MEF2D: variants seen among roughly 807,000 people sequenced by gnomAD.
MEF2D encodes the protein myocyte-specific enhancer factor 2D.
Under a neutral mutation model 59.3 loss-of-function variants are expected in MEF2D, and 10 were observed. The ratio of observed to expected loss-of-function variants is 0.17; its 90% CI spans 0.10 to 0.29. The LOEUF (loss-of-function observed/expected upper bound fraction) is 0.29, where lower values mean the gene tolerates loss of function less well. Among genes scored for constraint, MEF2D ranks in the 10% least tolerant of loss-of-function variants. The pLI is 1.00. For missense variants in MEF2D, 508 were observed against 699.4 expected, an observed-to-expected ratio of 0.73 and a Z score of 3.09; for synonymous variants, 305 against 295.0, an observed-to-expected ratio of 1.03 and a Z score of -0.35.
At chr1:156,476,123 A>G (rs1343423083) in intron 8 of MEF2D, among the ~76,000 whole-genome samples, 1 of 152,182 alleles carries the variant, frequency 6.6e-6, no homozygotes, top group Non-Finnish European at 1.5e-5. Context: ...GAGTCAGAGG[A>G]CTAGTGGGAT....
intron 1 of MEF2D, among the ~76,000 whole-genome samples, chr1:156,485,952 C>A (rs560893349): frequency 6.6e-6 from 1 of 151,144 alleles, no homozygotes; most frequent in Non-Finnish European, 1.5e-5. Context: ...CGGGTTCAAG[C>A]GATTCTCCTG....
intron 7 of MEF2D, 186 bp downstream of exon 7, chr1:156,476,826 T>G: frequency 1.4e-6 from 1 of 705,304 alleles, no homozygotes; most frequent in Non-Finnish European, 2.3e-6. Flanking sequence ...TGGTACTTCT[T>G]GTGCTGCAAC....
Position 156,493,221 on chromosome 1 carries a change from A to G in MEF2D, c.-139+7265T>C, listed in dbSNP as rs1672918589. ...GGCCTGGGCCCTCAGACTGGACAGC[A>G]CCAATTATGAGGAAAGGGGAGGTGG... is the stretch of plus-strand genomic sequence containing the variant. On this transcript the variant is annotated intron_variant, in intron 1 of 11. Transcript: ENST00000348159. Among the ~76,000 whole-genome samples the G allele has an allele frequency of 1.3e-5, 2 of 152,130 alleles. 1 individual carries two copies. The highest frequency in any genetic ancestry group is 4.1e-4 in the South Asian group (2 of 4,828).
At chr1:156,489,845 G>A (rs903785363) in intron 1 of MEF2D, among the ~76,000 whole-genome samples, 3 of 152,162 alleles carry the variant, frequency 2.0e-5, no homozygotes, top group Non-Finnish European at 4.4e-5. Context: ...GAGGACCAAG[G>A]ACGACAGCTG....
At chr1:156,496,053 G>C (rs903620783) in intron 1 of MEF2D, among the ~76,000 whole-genome samples, 4 of 152,228 alleles carry the variant, frequency 2.6e-5, no homozygotes, top group African/African-American at 7.2e-5. Flanking sequence ...GTCCTGTGCA[G>C]AATCAATGAA....
At chr1:156,496,383 G>A (rs938149841) in intron 1 of MEF2D, among the ~76,000 whole-genome samples, 4 of 152,118 alleles carry the variant, frequency 2.6e-5, no homozygotes, top group African/African-American at 7.2e-5. Context: ...GGAGGGACCC[G>A]GGGACACACG....
At chr1:156,479,431 C>G (rs1241665619) in intron 5 of MEF2D, 85 bp from the exon 6 acceptor site, 9 of 1,521,868 alleles carry the variant, frequency 5.9e-6, no homozygotes, top group Non-Finnish European at 8.0e-6. Context: ...AGAGGGGACC[C>G]CAGGAGGAAG....
At position 156,468,347 on chromosome 1, in the gene MEF2D, G is replaced by T; in HGVS notation, c.1248-48C>A. ...GGGTACAAGGGATAAAAACAGAGGG[G>T]GTGAGTGACAGAACAAGTGATAGGA... On this transcript the variant is annotated intron_variant, in intron 10 of 11. Coordinates refer to ENST00000348159, the MANE Select transcript of MEF2D (RefSeq NM_005920.4). This position sits in a 1 kb window ranked among gnomAD's most constrained non-coding sequence, Gnocchi z 4.3. 7.3e-7 allele frequency: 1 copy of T among 1,367,872 alleles called. No homozygotes were observed. Among genetic ancestry groups the T allele is most frequent in the Non-Finnish European group, 1.0e-6 (1 of 1,001,062 alleles). 84.7% of individuals were successfully genotyped at this position (1,367,872 alleles called of 1,614,324 possible).
rs774565644 is a variant in MEF2D at position 156,475,163 on chromosome 1, C to T, written c.951G>A (p.Pro317=). Residue 317 remains proline, a synonymous_variant, in exon 9 of 12, where the codon CCG becomes CCA. Transcript: ENST00000348159. The part of the protein sequence containing the change: ...LTTPVVSVAT[P]SLLSQGLPFS... ...AGGGGAGGCCCTGGCTGAGTAAACT[C>T]GGCGTTGCCACAGAAACCACTGGGG... The T allele has an allele frequency of 9.3e-6, 15 of 1,614,088 alleles. No homozygotes were observed. Among genetic ancestry groups the T allele is most frequent in the African/African-American group, 2.7e-5 (2 of 74,938 alleles).
intron 6 of MEF2D, among the ~76,000 whole-genome samples, chr1:156,478,582 G>C (rs1671775801): frequency 6.6e-6 from 1 of 152,150 alleles, no homozygotes; most frequent in Admixed American, 6.5e-5. Context: ...CCGGGCTGGA[G>C]TGCAATGGCA....
rs1032052304 is a variant in MEF2D, at chr1:156,467,235, T to C, written c.*410A>G. The C allele has an allele frequency of 6.7e-6, 1 of 148,808 alleles. No individual in the cohort carries two copies. The highest frequency in any genetic ancestry group is 6.6e-5 in the Admixed American group (1 of 15,066). 9.2% of individuals were successfully genotyped at this position (148,808 alleles called of 1,614,324 possible). A position where few individuals can be genotyped will look rare whatever the true frequency, so the allele number is the denominator to read the frequency against. ...TGTTGTTTGGTAGTTTTTTGGTTAT[T>C]TCCCTCTATCTGGGGGTGGGGTGGG... On this transcript the variant is annotated 3_prime_UTR_variant, in exon 12 of 12. Coordinates refer to ENST00000348159, the MANE Select transcript of MEF2D (RefSeq NM_005920.4).
Position 156,467,612 on chromosome 1 carries a change from T to C in MEF2D, c.*33A>G. Reference sequence around the variant, plus strand: ...GGGCGGTGAGATTGTCAACTCTTCATCAGGGAGGCTGAGAGGAGGGGAGTG... The same window carrying C: ...GGGCGGTGAGATTGTCAACTCTTCACCAGGGAGGCTGAGAGGAGGGGAGTG... On this transcript the variant is annotated 3_prime_UTR_variant, in exon 12 of 12. Transcript: ENST00000348159. 7.6e-7 allele frequency: 1 copy of C among 1,317,570 alleles called. No individual in the cohort carries two copies. Among genetic ancestry groups the C allele is most frequent in the Non-Finnish European group, 9.8e-7 (1 of 1,024,126 alleles). 81.6% of individuals were successfully genotyped at this position (1,317,570 alleles called of 1,614,324 possible). A position where few individuals can be genotyped will look rare whatever the true frequency, so the allele number is the denominator to read the frequency against.
chr1:156,486,062 T>C (rs1191693551), intron 1 of MEF2D, among the ~76,000 whole-genome samples: 1 of 152,018 alleles, frequency 6.6e-6, no homozygotes. Flanking sequence ...GTTGGACAGG[T>C]TGGTCTCGAA....
chr1:156,495,069 C>T lies in MEF2D; in HGVS notation c.-139+5417G>A, dbSNP rs867420754. On this transcript the variant is annotated intron_variant, in intron 1 of 11. Transcript: ENST00000348159. ...CTCACAGGGACAGCAGGAGGGGTCT[C>T]GGAGTGTCATTTGTTCCTGCCCTCA... is the stretch of plus-strand genomic sequence containing the variant. 3.9e-5 allele frequency among the ~76,000 whole-genome samples: 6 copies of T among 152,180 alleles called. 1 individual carries two copies. Among genetic ancestry groups the T allele is most frequent in the Admixed American group, 1.3e-4 (2 of 15,284 alleles).
chr1:156,472,317 C>T (rs568110703), intron 9 of MEF2D, among the ~76,000 whole-genome samples: 247 of 152,310 alleles, frequency 1.6e-3, no homozygotes, highest in Non-Finnish European at 2.8e-3. Context: ...GGGCCCACAG[C>T]GTGTGTCTTC....
intron 1 of MEF2D, among the ~76,000 whole-genome samples, chr1:156,483,661 G>A (rs1013626515): frequency 6.6e-6 from 1 of 152,238 alleles, no homozygotes; most frequent in Non-Finnish European, 1.5e-5. Context: ...GCTGTCCTCA[G>A]GCTCCAGGAC....
At chr1:156,476,323 C>T (rs1323960854) in intron 8 of MEF2D, among the ~76,000 whole-genome samples, 171 bp downstream of exon 8, 1 of 152,234 alleles carries the variant, frequency 6.6e-6, no homozygotes, top group East Asian at 1.9e-4. Flanking sequence ...ACCCCATTCA[C>T]CTTTGAATCC....
In MEF2D at chr1:156,467,579, G is replaced by A. The variant is rs1670931085; in HGVS notation, c.*66C>T. The A allele has an allele frequency of 3.1e-6, 4 of 1,286,680 alleles. No individual in the cohort carries two copies. Among genetic ancestry groups the A allele is most frequent in the African/African-American group, 1.5e-5 (1 of 65,848 alleles). The allele number at this position is 1,286,680 out of a possible 1,614,324, so 79.7% of individuals were successfully genotyped here. On this transcript the variant is annotated 3_prime_UTR_variant, in exon 12 of 12. Transcript: ENST00000348159. ...GTCGAGCGGGAGGAGCCCGGGGCAG[G>A]GAAGGGCGGGCGGTGAGATTGTCAA...
In MEF2D at chr1:156,500,759, G is replaced by A. The variant is rs980629982; in HGVS notation, c.-412C>T. Reference sequence around the variant, plus strand: ...ATATTTTGCTTCCTTCCTCCTTTCGGGCTCCAAAGGTAACTCCTCCAGCCC... The same window carrying A: ...ATATTTTGCTTCCTTCCTCCTTTCGAGCTCCAAAGGTAACTCCTCCAGCCC... On this transcript the variant is annotated 5_prime_UTR_variant, in exon 1 of 12. Transcript: ENST00000348159. 6.6e-6 allele frequency: 1 copy of A among 152,104 alleles called. No homozygotes were observed. The highest frequency in any genetic ancestry group is 1.5e-5 in the Non-Finnish European group (1 of 68,046). 9.4% of individuals were successfully genotyped at this position (152,104 alleles called of 1,614,324 possible). A position where few individuals can be genotyped will look rare whatever the true frequency, so the allele number is the denominator to read the frequency against.
Sources: gnomAD v4.1 joint callset for allele counts (sites outside exome capture counted in the v4.1 genomes callset) on GRCh38, gnomAD v4.1.1 for gene constraint, Gnocchi (gnomAD v3.1) non-coding constraint, MANE v1.5 for transcripts, NCBI Gene and HGNC (gene_info 2026-07-23, HGNC 2026-07-21) for gene names.